JCAD: variants seen among roughly 807,000 people sequenced by gnomAD.
JCAD encodes the protein junctional cadherin 5-associated protein.
Under a neutral mutation model 98.0 loss-of-function variants are expected in JCAD, and 40 were observed. The ratio of observed to expected loss-of-function variants is 0.41; its 90% CI spans 0.32 to 0.53. JCAD has a LOEUF of 0.53. JCAD is among the 20% of genes least tolerant of loss of function. The pLI is 0.31. For synonymous variants in JCAD, 691 were observed against 682.3 expected (o/e 1.01, Z -0.20); for missense variants, 1,705 against 1,738.1 (o/e 0.98, Z 0.34).
In JCAD at chr10:30,020,326, CAAAAAAAAA is replaced by C. The variant is rs59762991; in HGVS notation, c.4046-2418_4046-2410del. On this transcript the variant is annotated intron_variant, in intron 3 of 3. Transcript: ENST00000375377. ...TGGGCAACAGAGTGAGACTCGGTCT[CAAAAAAAAA>C]AAAAAAAAAAAAGAAAAAGAAAAGT... is the stretch of plus-strand genomic sequence containing the variant. Among the ~76,000 whole-genome samples, 476 of 83,072 alleles carry C rather than the reference CAAAAAAAAA, an allele frequency of 5.7e-3. 2 individuals are homozygous for C. Among genetic ancestry groups the C allele is most frequent in the African/African-American group, 0.02 (452 of 22,980 alleles). The allele number at this position is 83,072 out of a possible 152,430, so 54.5% of individuals were successfully genotyped here.
At chr10:30,103,045 G>A (rs1482751670) in intron 1 of JCAD, among the ~76,000 whole-genome samples, 1 of 152,148 alleles carries the variant, frequency 6.6e-6, no homozygotes, top group Non-Finnish European at 1.5e-5. Flanking sequence ...AATTGAAGAT[G>A]AGGTTTGGGT....
intron 2 of JCAD, among the ~76,000 whole-genome samples, chr10:30,069,174 T>C (rs1297970279): frequency 6.6e-6 from 1 of 152,184 alleles, no homozygotes. Flanking sequence ...AATAGAATTT[T>C]TGAATACCTC....
intron 1 of JCAD, among the ~76,000 whole-genome samples, chr10:30,092,854 A>G (rs1434753325): frequency 3.3e-5 from 5 of 152,160 alleles, no homozygotes; most frequent in African/African-American, 4.8e-5. Context: ...ACTGCTTAGC[A>G]TCTCCAACTC....
intron 1 of JCAD, among the ~76,000 whole-genome samples, chr10:30,053,559 C>CAAAAAAA (rs374863516): frequency 7.9e-6 from 1 of 126,712 alleles, no homozygotes. Context: ...TACTCTGTCT[C>CAAAAAAA]AAAAAAAAAA....
Position 30,027,421 on chromosome 10 carries a change from AC to A in JCAD, c.2726del (p.Gly909ValfsTer67). ...PESPVCRSGR[G>X]ESKSESWSEE... ...CACTCCAGCTCTCAGACTTACTCTC[AC>A]CTCTTCCCGACCTACACACAGGGCT... On this transcript the variant is annotated frameshift_variant, in exon 3 of 4. Coordinates refer to ENST00000375377, the MANE Select transcript of JCAD (RefSeq NM_020848.4). LOFTEE classifies it high-confidence loss of function. 1 of 1,602,160 alleles carries A rather than the reference AC, an allele frequency of 6.2e-7. No homozygotes were observed. Among genetic ancestry groups the A allele is most frequent in the Non-Finnish European group, 8.5e-7 (1 of 1,179,146 alleles).
chr10:30,068,192 C>T (rs1411307982), intron 2 of JCAD, among the ~76,000 whole-genome samples: 1 of 151,904 alleles, frequency 6.6e-6, no homozygotes, highest in Non-Finnish European at 1.5e-5. Flanking sequence ...AGTTCGAGAC[C>T]AGCCTGGCCA....
chr10:30,086,721 C>G (rs749967922), intron 1 of JCAD, among the ~76,000 whole-genome samples: 1 of 152,198 alleles, frequency 6.6e-6, no homozygotes, highest in African/African-American at 2.4e-5. Flanking sequence ...GTCCACCAAG[C>G]CTTTTCAAAC....
rs538865217 is a variant in JCAD, at chr10:30,081,825, C to T, written n.129-12004G>A. ...AAAACTGTGTCCCTGAGAGCTGCCC[C>T]TAAAGGGATCACTCACGTCTGCTGC... On this transcript the variant is annotated intron_variant and non_coding_transcript_variant, in intron 1 of 2. Coordinates refer to the JCAD transcript ENST00000465712. 1.2e-4 allele frequency among the ~76,000 whole-genome samples: 18 copies of T among 152,318 alleles called. No individual in the cohort carries two copies. The South Asian group carries it at 3.7e-3, about 32-fold the overall frequency.
At chr10:30,061,787 G>C (rs1460855000), upstream of JCAD, among the ~76,000 whole-genome samples, 1 of 148,518 alleles carries the variant, frequency 6.7e-6, no homozygotes. Context: ...ATTACTTCTT[G>C]TCAAAAAAGC....
chr10:30,028,189 C>T lies in JCAD; in HGVS notation c.1959G>A (p.Gly653=). 6.2e-7 allele frequency: 1 copy of T among 1,614,162 alleles called. No individual in the cohort carries two copies. Among genetic ancestry groups the T allele is most frequent in the Non-Finnish European group, 8.5e-7 (1 of 1,180,042 alleles). The change falls in exon 3 of 4, where the codon GGG becomes GGA. Residue 653 remains glycine (G), a synonymous_variant. Transcript: ENST00000375377. ...GRTEFQKQDL[G]EPEEDRQTND... ...TTGTTTGTCTGTCTTCTTCTGGTTC[C>T]CCTAGATCTTGTTTTTGGAACTCCG...
intron 2 of JCAD, chr10:30,044,855 C>G (rs1223356427): frequency 2.1e-6 from 2 of 939,656 alleles, no homozygotes; most frequent in South Asian, 4.9e-5. Flanking sequence ...TCATTTCAAC[C>G]CAGGGAACCT....
intron 2 of JCAD, among the ~76,000 whole-genome samples, chr10:30,066,798 A>G (rs1589703118): frequency 6.6e-6 from 1 of 152,168 alleles, no homozygotes; most frequent in Non-Finnish European, 1.5e-5. Flanking sequence ...AGGCAGGCAG[A>G]TCACTTGAGG....
chr10:30,043,717 A>G (rs1374193814), intron 2 of JCAD, among the ~76,000 whole-genome samples: 1 of 152,178 alleles, frequency 6.6e-6, no homozygotes, highest in Non-Finnish European at 1.5e-5. Context: ...TCACAGAATC[A>G]AGTGCTCCTT....
chr10:30,020,183 C>T (rs747842297), intron 3 of JCAD, among the ~76,000 whole-genome samples: 2 of 151,610 alleles, frequency 1.3e-5, no homozygotes, highest in African/African-American at 4.8e-5. Context: ...AAAAATTAGC[C>T]AGGTGTGGTG....
At position 30,028,865 on chromosome 10, in the gene JCAD, T is replaced by A. The variant is rs745522927; in HGVS notation, c.1283A>T (p.Asp428Val). Residue 428 changes from aspartate to valine, a missense_variant, in exon 3 of 4, where the codon GAT becomes GTT. By Grantham distance (152) the Asp-to-Val change is radical. Coordinates refer to ENST00000375377, the MANE Select transcript of JCAD (RefSeq NM_020848.4). Reference protein sequence around the residue: ...DGFVQYIPFDDPRLRHFKLAQ... With the variant: ...DGFVQYIPFDVPRLRHFKLAQ... ...TAGTTTAAAATGTCGTAACCGTGGA[T>A]CATCAAAGGGAATGTACTGAACGAA... The A allele has an allele frequency of 6.2e-7, 1 of 1,614,132 alleles. No homozygotes were observed. The highest frequency in any genetic ancestry group is 1.7e-5 in the Admixed American group (1 of 60,024).
At chr10:30,100,528 C>T (rs1363697410) in intron 1 of JCAD, among the ~76,000 whole-genome samples, 1 of 152,148 alleles carries the variant, frequency 6.6e-6, no homozygotes, top group South Asian at 2.1e-4. Flanking sequence ...ATTACAGGCA[C>T]CCACCACCAC....
upstream of JCAD, among the ~76,000 whole-genome samples, chr10:30,060,415 T>G (rs1837678325): frequency 6.6e-6 from 1 of 152,184 alleles, no homozygotes. Flanking sequence ...CACTCCATAT[T>G]TCTCTTACAG....
chr10:30,097,458 A>G (rs1245488072), intron 1 of JCAD, among the ~76,000 whole-genome samples: 2 of 152,216 alleles, frequency 1.3e-5, no homozygotes, highest in East Asian at 3.9e-4. Context: ...CAATTAGAAA[A>G]GAGACGCAGG....
chr10:30,093,699 C>T (rs747534064), intron 1 of JCAD, among the ~76,000 whole-genome samples: 3 of 152,204 alleles, frequency 2.0e-5, no homozygotes, highest in Admixed American at 2.0e-4. Flanking sequence ...ACCACTAAAG[C>T]CACGGGAATC....
Sources: allele counts gnomAD v4.1 joint callset (sites outside exome capture counted in the v4.1 genomes callset), GRCh38; gene constraint gnomAD v4.1.1; transcripts MANE v1.5; gene names NCBI Gene and HGNC (gene_info 2026-07-23, HGNC 2026-07-21).